The following ASMTL variants were observed in gnomAD, a reference collection of about 807,000 sequenced individuals.
ASMTL encodes acetylserotonin O-methyltransferase like.
In ASMTL, 57 loss-of-function variants were observed where a neutral mutation model predicts 60.3. That is an observed-to-expected ratio of 0.95 (90% confidence interval 0.76 to 1.18). The LOEUF is 1.18. ASMTL is among the 50% of genes most tolerant of loss of function. The pLI, the probability that ASMTL is intolerant of heterozygous loss-of-function variation, is 0.00. For synonymous variants in ASMTL, 419 were observed against 373.0 expected, an observed-to-expected ratio of 1.12 and a Z score of -1.42; for missense variants, 981 against 852.6, an observed-to-expected ratio of 1.15 and a Z score of -1.88.
At chrX:1,453,366 C>A (rs746365459), upstream of ASMTL, among the ~76,000 whole-genome samples, 709 of 151,788 alleles carry the variant, frequency 4.7e-3, 3 homozygotes, top group South Asian at 0.02. Flanking sequence ...CCGGGCACCG[C>A]CCCGGCCGCT....
chrX:1,405,983 AATGG>A (rs1321974187), intron 12 of ASMTL, among the ~76,000 whole-genome samples: 1 of 140,342 alleles, frequency 7.1e-6, no homozygotes, highest in African/African-American at 2.7e-5. Flanking sequence ...TAGATAGATG[AATGG>A]ATGGATAGAT....
intron 8 of ASMTL, among the ~76,000 whole-genome samples, chrX:1,425,205 AAAAT>A (rs1181039987): frequency 6.6e-6 from 1 of 152,160 alleles, no homozygotes; most frequent in East Asian, 1.9e-4. Flanking sequence ...TTTGTCTATA[AAAAT>A]AAATAAGCAA....
Position 1,429,596 on chromosome X carries a change from G to C in ASMTL, c.510-1475C>G, listed in dbSNP as rs753031978. On this transcript the variant is annotated intron_variant, in intron 6 of 12. Coordinates refer to ENST00000381317, the MANE Select transcript of ASMTL (RefSeq NM_004192.4). ...GCAGATCACCTGAGGTCAGGAGTTC[G>C]AGACCAGCCTGGCCAACATGGCAAA... 3.6e-4 allele frequency among the ~76,000 whole-genome samples: 54 copies of C among 152,000 alleles called. No homozygotes were observed. In the East Asian group the frequency reaches 7.4e-3, roughly 21 times the overall value.
intron 9 of ASMTL, among the ~76,000 whole-genome samples, chrX:1,419,762 C>T (rs1378482530): frequency 6.6e-6 from 1 of 152,206 alleles, no homozygotes; most frequent in Non-Finnish European, 1.5e-5. Context: ...TCCTGGCTCC[C>T]TAAATCTCGC....
rs1181969621 is a variant in ASMTL at position 1,425,620 on chromosome X, G to A, written c.965C>T (p.Ala322Val). 32 of 1,613,638 alleles carry A rather than the reference G, an allele frequency of 2.0e-5. No homozygotes were observed. Among genetic ancestry groups the A allele is most frequent in the East Asian group, 6.7e-5 (3 of 44,904 alleles). The part of the protein sequence containing the change: ...LLKDEAPQKA[A>V]DIASKVDASA... ...GGCGTCCACTTTGCTGGCAATATCC[G>A]CAGCCTTCTGGGGTGCTTCATCTTT... Residue 322 changes from alanine (A) to valine (V), a missense_variant, in exon 8 of 13, where the codon GCG (alanine) becomes GTG (valine). By Grantham distance (64) the Ala-to-Val change is moderately conservative. Transcript: ENST00000381317.
In ASMTL at chrX:1,418,946, G is replaced by A. The variant is rs377120381; in HGVS notation, c.1378+36C>T. On this transcript the variant is annotated intron_variant, in intron 10 of 12. Transcript: ENST00000381317. ...GGAAGATACCTGTGGCTTAATAAAC[G>A]AAAGTAAGGAGAGCCCTGGCGGGGG... 134 of 1,610,966 alleles carry A rather than the reference G, an allele frequency of 8.3e-5. 1 individual carries two copies. Among genetic ancestry groups the A allele is most frequent in the Non-Finnish European group, 1.1e-4 (126 of 1,179,566 alleles).
At chrX:1,438,238 A>G (rs1195443123) in intron 3 of ASMTL, among the ~76,000 whole-genome samples, 36 of 151,996 alleles carry the variant, frequency 2.4e-4, no homozygotes, top group African/African-American at 7.7e-4. Flanking sequence ...AGCCGAGATC[A>G]CGCCACTGTA....
chrX:1,449,323 C>T (rs563182142), intron 1 of ASMTL, among the ~76,000 whole-genome samples: 121 of 152,072 alleles, frequency 8.0e-4, no homozygotes, highest in South Asian at 3.5e-3. Context: ...CTGGCCCTGA[C>T]GCCCATCCTG....
At chrX:1,432,821 T>C (rs1188483026) in intron 5 of ASMTL, among the ~76,000 whole-genome samples, 3 of 152,238 alleles carry the variant, frequency 2.0e-5, no homozygotes, top group African/African-American at 2.4e-5. Context: ...AGAGCGAGAC[T>C]CCGTCTCTAA....
At chrX:1,435,659 A>G (rs1487028916) in intron 4 of ASMTL, 35 bp downstream of exon 4, 4 of 1,608,234 alleles carry the variant, frequency 2.5e-6, no homozygotes, top group Non-Finnish European at 3.4e-6. Flanking sequence ...GTGGCTCAGA[A>G]CCCGAGAGGG....
intron 1 of ASMTL, among the ~76,000 whole-genome samples, chrX:1,443,549 C>T (rs1415409147): frequency 6.6e-6 from 1 of 151,420 alleles, no homozygotes; most frequent in African/African-American, 2.4e-5. Flanking sequence ...GGACAGACAC[C>T]TCCATCTTGG....
intron 1 of ASMTL, among the ~76,000 whole-genome samples, chrX:1,449,521 G>C (rs1174998597): frequency 4.6e-5 from 7 of 151,784 alleles, no homozygotes; most frequent in Admixed American, 1.3e-4. Context: ...CAGGGTACCA[G>C]ACCTCCAGTC....
chrX:1,431,585 A>G (rs1378198687), intron 6 of ASMTL, among the ~76,000 whole-genome samples: 1 of 142,788 alleles, frequency 7.0e-6, no homozygotes, highest in Non-Finnish European at 1.5e-5. Flanking sequence ...AATATAGTAT[A>G]CATATTACAG....
At chrX:1,452,614 C>T in intron 1 of ASMTL, 134 bp downstream of exon 1, 5 of 700,858 alleles carry the variant, frequency 7.1e-6, no homozygotes, top group Non-Finnish European at 1.1e-5. Context: ...TCCCGGGACA[C>T]TCTCCCCTCC....
intron 1 of ASMTL, among the ~76,000 whole-genome samples, chrX:1,443,798 C>T (rs769188703): frequency 6.6e-5 from 10 of 151,076 alleles, no homozygotes; most frequent in African/African-American, 1.9e-4. Flanking sequence ...ACACCCCCAT[C>T]GTGGACAGAC....
intron 4 of ASMTL, chrX:1,435,403 G>A (rs1297162649): frequency 1.6e-6 from 1 of 606,300 alleles, no homozygotes; most frequent in Non-Finnish European, 2.9e-6. Flanking sequence ...ACGGGCTCAG[G>A]TCCAGGATGC....
chrX:1,452,285 G>T (rs1279535974), intron 1 of ASMTL, among the ~76,000 whole-genome samples: 2 of 134,052 alleles, frequency 1.5e-5, no homozygotes, highest in Admixed American at 7.3e-5. Flanking sequence ...CCATCCCTAG[G>T]GGGGGTCTCG....
chrX:1,403,660 A>T, intron 12 of ASMTL, 171 bp from the exon 13 acceptor site: 1 of 622,206 alleles, frequency 1.6e-6, no homozygotes, highest in South Asian at 1.9e-5. Flanking sequence ...CAGAGACTTG[A>T]TGCAGGGCGG....
chrX:1,438,907 G>A (rs2091039961), intron 3 of ASMTL, among the ~76,000 whole-genome samples, 190 bp downstream of exon 3: 1 of 152,188 alleles, frequency 6.6e-6, no homozygotes, highest in Admixed American at 6.5e-5. Flanking sequence ...GATGACAGGG[G>A]TGAGCCACGG....
Sources: allele counts gnomAD v4.1 joint callset (sites outside exome capture counted in the v4.1 genomes callset), GRCh38; gene constraint gnomAD v4.1.1; transcripts MANE v1.5; gene names NCBI Gene and HGNC (gene_info 2026-07-23, HGNC 2026-07-21).